Variants in NRG3 observed in about 807,000 individuals in gnomAD.
NRG3 encodes neuregulin 3, also known as pro-neuregulin-3, membrane-bound isoform.
NRG3 carries 31 observed loss-of-function variants against 66.9 expected under a neutral mutation model. The observed-to-expected ratio is 0.46, with a 90% CI of 0.35 to 0.63. The LOEUF is 0.63. Among genes scored for constraint, NRG3 ranks in the 20% least tolerant of loss-of-function variants. The pLI is 0.00. For synonymous variants in NRG3, 393 were observed against 359.4 expected (o/e 1.09, Z -1.06); for missense variants, 910 against 878.9 (o/e 1.04, Z -0.45).
At chr10:82,893,276 T>C (rs1843331014) in intron 4 of NRG3, among the ~76,000 whole-genome samples, 1 of 152,210 alleles carries the variant, frequency 6.6e-6, no homozygotes, top group Admixed American at 6.5e-5. Flanking sequence ...GGAATAAAGT[T>C]AAAAATTAAT....
At chr10:82,171,258 G>GA (rs2072581061) in intron 1 of NRG3, among the ~76,000 whole-genome samples, 1 of 152,024 alleles carries the variant, frequency 6.6e-6, no homozygotes, top group Non-Finnish European at 1.5e-5. Flanking sequence ...GCCTGGCCCA[G>GA]TGATGTACTA....
At position 82,564,769 on chromosome 10, in the gene NRG3, A is replaced by T. The variant is rs76154717; in HGVS notation, c.954-173808A>T. Among the ~76,000 whole-genome samples the T allele has an allele frequency of 7.2e-3, 1,090 of 152,224 alleles. 10 individuals are homozygous for T. The highest frequency in any genetic ancestry group is 0.025 in the African/African-American group (1,028 of 41,548). On this transcript the variant is annotated intron_variant, in intron 2 of 8. Coordinates refer to ENST00000372141, the MANE Select transcript of NRG3 (RefSeq NM_001010848.4). Reference sequence around the variant, plus strand: ...AGCTCTTACTGTTAAAAGAAAAAAAAATATGGCAATTATTTCTTTGTCGTG... The same window carrying T: ...AGCTCTTACTGTTAAAAGAAAAAAATATATGGCAATTATTTCTTTGTCGTG...
chr10:82,501,063 T>G lies in NRG3; in HGVS notation c.953+142195T>G, dbSNP rs114530593. ...ATTTGAACATATTGTGTCTGGGATA[T>G]CTCTACCTCCAGATAGAGGGGCTTG... On this transcript the variant is annotated intron_variant, in intron 2 of 8. Coordinates refer to ENST00000372141, the MANE Select transcript of NRG3 (RefSeq NM_001010848.4). Among the ~76,000 whole-genome samples the G allele has an allele frequency of 6.9e-3, 1,050 of 152,256 alleles. 8 individuals carry two copies. Among genetic ancestry groups the G allele is most frequent in the African/African-American group, 0.024 (995 of 41,560 alleles).
intron 2 of NRG3, among the ~76,000 whole-genome samples, chr10:82,563,760 A>C (rs1050657843): frequency 6.6e-6 from 1 of 152,156 alleles, no homozygotes; most frequent in East Asian, 1.9e-4. Flanking sequence ...AACATTTAAA[A>C]TCTACTCTTT....
At chr10:82,129,659 C>T (rs1188899975) in intron 1 of NRG3, among the ~76,000 whole-genome samples, 2 of 152,078 alleles carry the variant, frequency 1.3e-5, no homozygotes, top group East Asian at 1.9e-4. Flanking sequence ...CTGCAACCTC[C>T]ACCTTCCAGA....
chr10:82,800,851 C>T (rs2061004309), intron 3 of NRG3, among the ~76,000 whole-genome samples: 1 of 152,090 alleles, frequency 6.6e-6, no homozygotes, highest in Non-Finnish European at 1.5e-5. Flanking sequence ...AATCCTTTGA[C>T]TTGATGTGGG....
chr10:81,889,654 T>G (rs1256219010), intron 1 of NRG3: 1 of 152,204 alleles, frequency 6.6e-6, no homozygotes, highest in Non-Finnish European at 1.5e-5. Context: ...TCTTCTATTT[T>G]TCACTGATCA....
intron 1 of NRG3, among the ~76,000 whole-genome samples, chr10:82,129,112 C>T (rs775037775): frequency 3.9e-5 from 6 of 151,958 alleles, no homozygotes; most frequent in Non-Finnish European, 5.9e-5. Context: ...GGGGTTTCAC[C>T]ATTTCGGCCA....
At chr10:82,306,520 G>A (rs375111433) in intron 1 of NRG3, among the ~76,000 whole-genome samples, 3 of 151,390 alleles carry the variant, frequency 2.0e-5, no homozygotes, top group African/African-American at 7.3e-5. Context: ...TGGCTAATAC[G>A]GTGAAACCCG....
At chr10:82,244,843 C>T (rs940931791) in intron 1 of NRG3, among the ~76,000 whole-genome samples, 3 of 152,050 alleles carry the variant, frequency 2.0e-5, no homozygotes, top group Admixed American at 6.5e-5. Context: ...AAGCAATTCT[C>T]CTGCTTCAGC....
At chr10:82,903,198 TGTA>T (rs1201101116) in intron 4 of NRG3, among the ~76,000 whole-genome samples, 1 of 152,196 alleles carries the variant, frequency 6.6e-6, no homozygotes, top group Non-Finnish European at 1.5e-5. Flanking sequence ...TAGCACATAC[TGTA>T]AAACTGTAAT....
chr10:82,370,352 C>A (rs2084801183), intron 2 of NRG3, among the ~76,000 whole-genome samples: 1 of 137,832 alleles, frequency 7.3e-6, no homozygotes. Context: ...CTCCAGTCAC[C>A]CCCTGCTGAA....
intron 1 of NRG3, among the ~76,000 whole-genome samples, chr10:82,198,974 G>A (rs1219206350): frequency 1.3e-5 from 2 of 148,848 alleles, no homozygotes; most frequent in African/African-American, 5.1e-5. Flanking sequence ...TCCAGCCTGG[G>A]CAACAGAACA....
At chr10:81,984,714 A>G (rs2060458257) in intron 1 of NRG3, among the ~76,000 whole-genome samples, 1 of 152,174 alleles carries the variant, frequency 6.6e-6, no homozygotes, top group Admixed American at 6.5e-5. Flanking sequence ...TCTTGAATAT[A>G]TTTTCTTGAA....
chr10:82,318,585 C>A (rs181864301), intron 1 of NRG3, among the ~76,000 whole-genome samples: 1 of 152,280 alleles, frequency 6.6e-6, no homozygotes, highest in Non-Finnish European at 1.5e-5. Flanking sequence ...TCTCGTGGCC[C>A]TCCTCATGCA....
At chr10:82,077,375 G>A (rs1794501849) in intron 1 of NRG3, among the ~76,000 whole-genome samples, 1 of 151,994 alleles carries the variant, frequency 6.6e-6, no homozygotes, top group African/African-American at 2.4e-5. Context: ...ATTCCTAAGT[G>A]CTTATTTTGT....
At position 82,929,088 on chromosome 10, in the gene NRG3, C is replaced by T. The variant is rs143583139; in HGVS notation, c.1055-22381C>T. The stretch of plus-strand genomic sequence containing the variant: ...AAATTTCTAGTATTCTAAAATGGAT[C>T]GTTTTATCCTAGAAATGGTGAGAAT... On this transcript the variant is annotated intron_variant, in intron 4 of 8. Coordinates refer to ENST00000372141, the MANE Select transcript of NRG3 (RefSeq NM_001010848.4). 3.0e-3 allele frequency among the ~76,000 whole-genome samples: 460 copies of T among 152,236 alleles called. 1 individual carries two copies. The highest frequency in any genetic ancestry group is 5.3e-3 in the Non-Finnish European group (362 of 68,020).
At chr10:82,927,528 G>A (rs571254421) in intron 4 of NRG3, among the ~76,000 whole-genome samples, 73 of 152,110 alleles carry the variant, frequency 4.8e-4, no homozygotes, top group African/African-American at 1.6e-3. Context: ...GGTGTGTGAT[G>A]TTCCCCTTCC....
intron 2 of NRG3, among the ~76,000 whole-genome samples, chr10:82,513,758 C>G (rs938773415): frequency 6.6e-6 from 1 of 152,096 alleles, no homozygotes; most frequent in African/African-American, 2.4e-5. Flanking sequence ...CCAGCCTGGG[C>G]AATAGAATGA....
Sources: gnomAD v4.1 joint callset for allele counts (sites outside exome capture counted in the v4.1 genomes callset) on GRCh38, gnomAD v4.1.1 for gene constraint, MANE v1.5 for transcripts, NCBI Gene and HGNC (gene_info 2026-07-23, HGNC 2026-07-21) for gene names.